The following GLI2 variants were observed in gnomAD, a reference collection of about 807,000 sequenced individuals.
GLI2 encodes the protein GLI family zinc finger 2.
Under a neutral mutation model 78.9 loss-of-function variants are expected in GLI2, and 22 were observed. The ratio of observed to expected loss-of-function variants is 0.28; its 90% CI spans 0.20 to 0.40. The LOEUF (loss-of-function observed/expected upper bound fraction) is 0.40. Ranked by LOEUF, GLI2 falls within the 10% of genes least tolerant of loss-of-function variation. The pLI, the probability that GLI2 is intolerant of heterozygous loss-of-function variation, is 1.00. For missense variants in GLI2, 2,097 were observed against 2,213.2 expected, an observed-to-expected ratio of 0.95 and a Z score of 1.05; for synonymous variants, 974 against 963.7, an observed-to-expected ratio of 1.01 and a Z score of -0.20.
chr2:120,929,000 C>T (rs149458041), intron 3 of GLI2, among the ~76,000 whole-genome samples: 14 of 152,182 alleles, frequency 9.2e-5, no homozygotes, highest in African/African-American at 1.9e-4. Context: ...ACTTGGTTGC[C>T]GAGACTCCTT....
chr2:120,894,650 TC>T (rs1189198083), intron 2 of GLI2, among the ~76,000 whole-genome samples: 2 of 120,394 alleles, frequency 1.7e-5, no homozygotes, highest in Non-Finnish European at 3.4e-5. Context: ...CCCCCATAAA[TC>T]CCCCCACTTC....
intron 2 of GLI2, among the ~76,000 whole-genome samples, chr2:120,921,231 A>G (rs1679362972): frequency 6.6e-6 from 1 of 150,572 alleles, no homozygotes; most frequent in Non-Finnish European, 1.5e-5. Context: ...GGTGGTCTGT[A>G]GAGACTGTGT....
At chr2:120,936,635 G>A (rs1424969825) in intron 3 of GLI2, among the ~76,000 whole-genome samples, 1 of 152,188 alleles carries the variant, frequency 6.6e-6, no homozygotes, top group Non-Finnish European at 1.5e-5. Context: ...TGCAGACATG[G>A]AAACAGAACA....
chr2:120,982,708 CCTT>C lies in GLI2; in HGVS notation c.1468-5_1468-3del, dbSNP rs780145025. 2.5e-6 allele frequency: 4 copies of C among 1,609,180 alleles called. No individual in the cohort carries two copies. Among genetic ancestry groups the C allele is most frequent in the Non-Finnish European group, 3.4e-6 (4 of 1,176,572 alleles). On this transcript the variant is annotated splice_polypyrimidine_tract_variant and splice_region_variant and intron_variant, in intron 10 of 13. Coordinates refer to ENST00000361492, the MANE Select transcript of GLI2 (RefSeq NM_001374353.1). ...GGTGCCTTGACTGACTGAACCGCCT[CCTT>C]CTAGTTCGAGGGCTGCTCGAAGGCC... is the stretch of plus-strand genomic sequence containing the variant.
intron 1 of GLI2, among the ~76,000 whole-genome samples, chr2:120,790,750 T>C (rs539363391): frequency 6.6e-6 from 1 of 152,262 alleles, no homozygotes; most frequent in African/African-American, 2.4e-5. Context: ...AGTGAAGCCA[T>C]GGCAGGCTTC....
chr2:120,820,616 T>C (rs1248277583), intron 2 of GLI2, among the ~76,000 whole-genome samples: 2 of 152,222 alleles, frequency 1.3e-5, no homozygotes, highest in Admixed American at 1.3e-4. Context: ...ACGGCTGCTG[T>C]CCACGCCAGT....
chr2:120,945,957 TCA>T lies in GLI2; in HGVS notation c.255-5253_255-5252del, dbSNP rs3223143. On this transcript the variant is annotated intron_variant, in intron 3 of 13. Transcript: ENST00000361492. ...GCCCTGCCCCTCAGGCATAACCTTC[TCA>T]CACACACACACACACACACACACAC... Among the ~76,000 whole-genome samples the T allele has an allele frequency of 6.1e-3, 816 of 134,250 alleles. 4 individuals carry two copies. The highest frequency in any genetic ancestry group is 0.025 in the Middle Eastern group (6 of 242). The allele number at this position is 134,250 out of a possible 152,430, so 88.1% of individuals were successfully genotyped here.
At chr2:120,875,329 A>G (rs1688681456) in intron 2 of GLI2, among the ~76,000 whole-genome samples, 1 of 152,268 alleles carries the variant, frequency 6.6e-6, no homozygotes, top group Middle Eastern at 3.2e-3. Context: ...GGGAAGGCCC[A>G]TAAAGTGACT....
At chr2:120,842,431 CTGTT>C (rs1686931739) in intron 2 of GLI2, among the ~76,000 whole-genome samples, 1 of 152,070 alleles carries the variant, frequency 6.6e-6, no homozygotes, top group African/African-American at 2.4e-5. Flanking sequence ...GTTTTTATGG[CTGTT>C]TGGTATTCCA....
At chr2:120,740,704 C>G (rs949782490) in intron 1 of GLI2, among the ~76,000 whole-genome samples, 1 of 152,228 alleles carries the variant, frequency 6.6e-6, no homozygotes, top group Non-Finnish European at 1.5e-5. Flanking sequence ...TCACTTTTGT[C>G]AAGGTTTATT....
intron 2 of GLI2, among the ~76,000 whole-genome samples, chr2:120,812,469 G>T (rs926185512): frequency 6.6e-6 from 1 of 152,190 alleles, no homozygotes; most frequent in Non-Finnish European, 1.5e-5. Context: ...AAGCTGAGAC[G>T]CAGGCCGGAT....
intron 2 of GLI2, among the ~76,000 whole-genome samples, chr2:120,832,575 C>A (rs1345963959): frequency 6.6e-6 from 1 of 152,208 alleles, no homozygotes. Flanking sequence ...CTCTCCCACC[C>A]CCAGCCCAGG....
chr2:120,739,309 TCACTC>T (rs1357304620), intron 1 of GLI2, among the ~76,000 whole-genome samples: 2 of 152,098 alleles, frequency 1.3e-5, no homozygotes, highest in South Asian at 2.1e-4. Context: ...CGGGAAAACT[TCACTC>T]CACAGATGCC....
chr2:120,823,464 G>A (rs920543772), intron 2 of GLI2, among the ~76,000 whole-genome samples: 2 of 152,186 alleles, frequency 1.3e-5, no homozygotes, highest in African/African-American at 4.8e-5. Context: ...CCCAGTACAC[G>A]CTGAAGTGTG....
intron 1 of GLI2, among the ~76,000 whole-genome samples, chr2:120,766,210 G>C (rs1683361828): frequency 6.6e-6 from 1 of 152,230 alleles, no homozygotes. Flanking sequence ...CTTCGGTCCA[G>C]CTGTGGCGCC....
chr2:120,908,628 A>G (rs1462017196), intron 2 of GLI2, among the ~76,000 whole-genome samples: 3 of 152,124 alleles, frequency 2.0e-5, no homozygotes, highest in Non-Finnish European at 2.9e-5. Flanking sequence ...CTGCCCCCCA[A>G]CAGACCTGGC....
chr2:120,763,227 A>G (rs1481992015), intron 1 of GLI2, among the ~76,000 whole-genome samples: 1 of 152,088 alleles, frequency 6.6e-6, no homozygotes, highest in African/African-American at 2.4e-5. Context: ...TATGCTTTTG[A>G]TTGATTAACT....
chr2:120,759,598 T>C (rs707490), intron 1 of GLI2, among the ~76,000 whole-genome samples: 104,532 of 152,054 alleles, frequency 0.69, 37,538 homozygotes, highest in African/African-American at 0.91. Context: ...TTGGGTGCAC[T>C]ACCTGTTAGG....
At chr2:120,787,014 G>A (rs771047002) in intron 1 of GLI2, among the ~76,000 whole-genome samples, 1 of 152,126 alleles carries the variant, frequency 6.6e-6, no homozygotes, top group Non-Finnish European at 1.5e-5. Context: ...TGTCTGTGTC[G>A]AGGGTGGCCA....
Sources: allele counts gnomAD v4.1 joint callset (sites outside exome capture counted in the v4.1 genomes callset), GRCh38; gene constraint gnomAD v4.1.1; transcripts MANE v1.5; gene names NCBI Gene and HGNC (gene_info 2026-07-23, HGNC 2026-07-21).